FILIP1L: variants seen among roughly 807,000 people sequenced by gnomAD.
FILIP1L encodes filamin A interacting protein 1 like.
A neutral mutation model predicts 96.6 loss-of-function variants in FILIP1L; 55 were observed. The ratio of observed to expected loss-of-function variants is 0.57; its 90% CI spans 0.46 to 0.71. The LOEUF (loss-of-function observed/expected upper bound fraction) is 0.71, where lower values mean the gene tolerates loss of function less well. Among genes scored for constraint, FILIP1L ranks in the 30% least tolerant of loss-of-function variants. The probability of loss-of-function intolerance (pLI) is 0.00; values close to 1 mark genes in which losing one functional copy is unlikely to be tolerated. For synonymous variants in FILIP1L, 467 were observed against 473.9 expected (o/e 0.99, Z 0.19); for missense variants, 1,304 against 1,321.2 (o/e 0.99, Z 0.20).
At chr3:100,041,111 A>G (rs987173936) in intron 1 of FILIP1L, 4 of 152,178 alleles carry the variant, frequency 2.6e-5, no homozygotes, top group Non-Finnish European at 5.9e-5. Flanking sequence ...GGTGACTGCC[A>G]AAGTTTTATT....
intron 1 of FILIP1L, among the ~76,000 whole-genome samples, chr3:100,080,218 A>C (rs2065910084): frequency 6.6e-6 from 1 of 152,152 alleles, no homozygotes; most frequent in African/African-American, 2.4e-5. Flanking sequence ...TCCTGAGCTC[A>C]ACCATCCACC....
At chr3:99,919,160 G>A (rs915080212) in intron 4 of FILIP1L, among the ~76,000 whole-genome samples, 1 of 151,996 alleles carries the variant, frequency 6.6e-6, no homozygotes, top group Non-Finnish European at 1.5e-5. Context: ...TTAATGGCAC[G>A]ATATTGAATT....
chr3:100,108,486 T>C (rs764424690), intron 1 of FILIP1L, among the ~76,000 whole-genome samples: 2 of 152,172 alleles, frequency 1.3e-5, no homozygotes, highest in Non-Finnish European at 2.9e-5. Context: ...TGAAATGGAA[T>C]TAGAAGCCAG....
intron 1 of FILIP1L, among the ~76,000 whole-genome samples, chr3:100,003,381 T>C (rs757901872): frequency 6.6e-6 from 1 of 152,206 alleles, no homozygotes; most frequent in Non-Finnish European, 1.5e-5. Context: ...CCTTACGTGG[T>C]TGTTTTGTCT....
chr3:99,930,719 A>G, intron 2 of FILIP1L, 50 bp downstream of exon 2: 1 of 1,595,704 alleles, frequency 6.3e-7, no homozygotes, highest in South Asian at 1.1e-5. Context: ...CCAAATTCAC[A>G]AGCAGCCTTC....
At chr3:99,935,300 G>A (rs1345695477) in intron 1 of FILIP1L, among the ~76,000 whole-genome samples, 2 of 150,258 alleles carry the variant, frequency 1.3e-5, no homozygotes, top group Non-Finnish European at 2.9e-5. Context: ...TTTTGTGTAT[G>A]CCAAATAATG....
chr3:100,088,244 A>G (rs2066046468), intron 1 of FILIP1L, among the ~76,000 whole-genome samples: 2 of 152,300 alleles, frequency 1.3e-5, no homozygotes, highest in South Asian at 2.1e-4. Flanking sequence ...TGTCCCTTGG[A>G]CATCCCTTAC....
intron 4 of FILIP1L, among the ~76,000 whole-genome samples, chr3:99,908,876 G>A (rs1173723704): frequency 1.3e-5 from 2 of 152,168 alleles, no homozygotes; most frequent in African/African-American, 2.4e-5. Flanking sequence ...TTCCTATTGT[G>A]TGTGTGTGTG....
rs1252098459 is a variant in FILIP1L at position 100,114,079 on chromosome 3, C to G, written c.-37G>C. 1 of 152,134 alleles carries G rather than the reference C, an allele frequency of 6.6e-6. No individual in the cohort carries two copies. Among genetic ancestry groups the G allele is most frequent in the Non-Finnish European group, 1.5e-5 (1 of 68,066 alleles). The allele number at this position is 152,134 out of a possible 1,614,324, so 9.4% of individuals were successfully genotyped here. A position where few individuals can be genotyped will look rare whatever the true frequency, so the allele number is the denominator to read the frequency against. ...GTGCAGGTACCGTGCAGGTGTTGAT[C>G]ACACCTGGTAATTCCTTCTTCTCAT... On this transcript the variant is annotated 5_prime_UTR_variant, in exon 1 of 6. The change abolishes the stop of an existing upstream ORF in the 5' untranslated region. Coordinates refer to ENST00000477258, the MANE Select transcript of FILIP1L (RefSeq NM_001387850.1).
At chr3:100,089,119 A>T (rs934326603) in intron 1 of FILIP1L, among the ~76,000 whole-genome samples, 4 of 152,308 alleles carry the variant, frequency 2.6e-5, no homozygotes, top group Admixed American at 2.6e-4. Flanking sequence ...AGTATCCAAG[A>T]GTAAAAGTTA....
intron 1 of FILIP1L, among the ~76,000 whole-genome samples, chr3:100,013,061 G>C (rs1396046296): frequency 6.6e-6 from 1 of 152,068 alleles, no homozygotes; most frequent in Non-Finnish European, 1.5e-5. Context: ...TTTGTTTGGA[G>C]AGACAGGGTT....
chr3:100,061,337 C>T (rs905868538), intron 1 of FILIP1L, among the ~76,000 whole-genome samples: 1 of 152,156 alleles, frequency 6.6e-6, no homozygotes, highest in Non-Finnish European at 1.5e-5. Context: ...ACATGACATT[C>T]GAAAATCTTC....
chr3:100,062,312 C>T (rs993312729), intron 1 of FILIP1L, among the ~76,000 whole-genome samples: 1 of 151,600 alleles, frequency 6.6e-6, no homozygotes, highest in Non-Finnish European at 1.5e-5. Flanking sequence ...GAGGTTTCAC[C>T]GTGTTAGCCA....
intron 4 of FILIP1L, among the ~76,000 whole-genome samples, chr3:99,905,742 A>G (rs1706595403): frequency 6.6e-6 from 1 of 152,142 alleles, no homozygotes; most frequent in African/African-American, 2.4e-5. Context: ...TTTGATGTCT[A>G]TTACTGTAGA....
At chr3:99,984,534 C>G (rs891882977) in intron 1 of FILIP1L, among the ~76,000 whole-genome samples, 1 of 152,064 alleles carries the variant, frequency 6.6e-6, no homozygotes, top group African/African-American at 2.4e-5. Context: ...TCCTCTAGCC[C>G]CTGGTCACTG....
At chr3:99,975,118 T>C (rs963795915) in intron 1 of FILIP1L, among the ~76,000 whole-genome samples, 5 of 152,350 alleles carry the variant, frequency 3.3e-5, no homozygotes, top group Non-Finnish European at 7.3e-5. Flanking sequence ...GAAGTACCTT[T>C]CACCTAGCAG....
chr3:99,961,709 A>T lies in FILIP1L; in HGVS notation c.-10-30679T>A, dbSNP rs562621164. Among the ~76,000 whole-genome samples the T allele has an allele frequency of 1.5e-3, 232 of 152,266 alleles. 1 individual carries two copies. The highest frequency in any genetic ancestry group is 6.2e-3 in the East Asian group (32 of 5,188). On this transcript the variant is annotated intron_variant, in intron 1 of 5. Transcript: ENST00000477258. ...TTATAAGTGATTTAGTCTAAAAAAA[A>T]TTTTTTAAGAATATTCTTCTCCTTC...
At chr3:100,085,913 G>A (rs149081830) in intron 1 of FILIP1L, among the ~76,000 whole-genome samples, 105 of 152,340 alleles carry the variant, frequency 6.9e-4, no homozygotes, top group Non-Finnish European at 1.3e-3. Flanking sequence ...GGATAACTTA[G>A]CTCTGGGTTA....
chr3:100,052,219 A>G (rs2065385978), intron 1 of FILIP1L, among the ~76,000 whole-genome samples: 1 of 152,250 alleles, frequency 6.6e-6, no homozygotes, highest in African/African-American at 2.4e-5. Flanking sequence ...TGACTATGGC[A>G]TATGTGGGCT....
Sources: gnomAD v4.1 joint callset for allele counts (sites outside exome capture counted in the v4.1 genomes callset) on GRCh38, gnomAD v4.1.1 for gene constraint, MANE v1.5 for transcripts, NCBI Gene and HGNC (gene_info 2026-07-23, HGNC 2026-07-21) for gene names.